The following FGF12 variants were observed in gnomAD, a reference collection of about 807,000 sequenced individuals.
FGF12 encodes the protein fibroblast growth factor 12B.
A neutral mutation model predicts 23.6 loss-of-function variants in FGF12; 14 were observed. That is an observed-to-expected ratio of 0.59 (90% CI 0.39 to 0.93). FGF12 has a LOEUF of 0.93. Among genes scored for constraint, FGF12 ranks in the 40% least tolerant of loss-of-function variants. The pLI is 0.00. For synonymous variants in FGF12, 62 were observed against 77.3 expected (o/e 0.80, Z 1.04); for missense variants, 175 against 217.8 (o/e 0.80, Z 1.24).
chr3:192,442,704 T>C (rs1331061204), intron 2 of FGF12, among the ~76,000 whole-genome samples: 2 of 152,226 alleles, frequency 1.3e-5, no homozygotes, highest in African/African-American at 4.8e-5. Flanking sequence ...AATTCTTTTA[T>C]TCAGATGGTA....
chr3:192,391,140 C>T lies in FGF12; in HGVS notation c.14-30602G>A, dbSNP rs568665545. ...TGAGCCGAAGGAGGACAAAAAGATG[C>T]ACCGCTTGGGGATTAGCAAAATGTA... On this transcript the variant is annotated intron_variant, in intron 2 of 5. Transcript: ENST00000445105. Among the ~76,000 whole-genome samples, 7 of 152,276 alleles carry T rather than the reference C, an allele frequency of 4.6e-5. No homozygotes were observed. The South Asian group carries it at 1.2e-3, about 27-fold the overall frequency.
intron 2 of FGF12, among the ~76,000 whole-genome samples, chr3:192,646,863 A>C (rs1577097085): frequency 6.6e-6 from 1 of 152,110 alleles, no homozygotes; most frequent in Admixed American, 6.6e-5. Flanking sequence ...ACTTTACGGT[A>C]TGTAAATTAT....
chr3:192,394,521 C>T (rs775315161), intron 2 of FGF12, among the ~76,000 whole-genome samples: 1 of 152,190 alleles, frequency 6.6e-6, no homozygotes, highest in Admixed American at 6.5e-5. Flanking sequence ...TGAGTATTAG[C>T]ACCATAAATA....
At chr3:192,438,281 C>T (rs1722089798) in intron 2 of FGF12, among the ~76,000 whole-genome samples, 2 of 152,212 alleles carry the variant, frequency 1.3e-5, no homozygotes, top group Non-Finnish European at 2.9e-5. Context: ...GCTCATGACC[C>T]TCTACTCTTA....
intron 2 of FGF12, among the ~76,000 whole-genome samples, chr3:192,446,045 A>G (rs1323445135): frequency 6.6e-6 from 1 of 152,250 alleles, no homozygotes; most frequent in African/African-American, 2.4e-5. Flanking sequence ...CAAAAGAGGC[A>G]TTCTTTGTGA....
chr3:192,513,577 C>A (rs1724559693), intron 2 of FGF12, among the ~76,000 whole-genome samples: 1 of 152,088 alleles, frequency 6.6e-6, no homozygotes, highest in Non-Finnish European at 1.5e-5. Context: ...TTTCATAGCT[C>A]AAGAACAGAG....
chr3:192,240,948 G>GA (rs1341808678), intron 4 of FGF12, among the ~76,000 whole-genome samples: 1 of 148,546 alleles, frequency 6.7e-6, no homozygotes, highest in African/African-American at 2.5e-5. Context: ...TACGAGGAGG[G>GA]AAAAAATAAA....
At chr3:192,653,308 T>G (rs1170547981) in intron 2 of FGF12, among the ~76,000 whole-genome samples, 1 of 152,168 alleles carries the variant, frequency 6.6e-6, no homozygotes, top group Non-Finnish European at 1.5e-5. Flanking sequence ...TTTTGAGGCA[T>G]TCAGTCCATT....
At position 192,590,427 on chromosome 3, in the gene FGF12, C is replaced by T. The variant is rs191865031; in HGVS notation, c.13+136754G>A. Among the ~76,000 whole-genome samples the T allele has an allele frequency of 6.5e-3, 991 of 151,936 alleles. 18 individuals carry two copies. Among genetic ancestry groups the T allele is most frequent in the Admixed American group, 0.013 (199 of 15,256 alleles). ...TCATTTATCCCTATTTTTTTGTGAA[C>T]ATATCAGTAGAACTGCAGATAATCA... is the stretch of plus-strand genomic sequence containing the variant. On this transcript the variant is annotated intron_variant, in intron 2 of 5. Transcript: ENST00000445105.
At chr3:192,170,681 C>T in intron 4 of FGF12, 25 bp from the exon 5 acceptor site, 4 of 1,527,014 alleles carry the variant, frequency 2.6e-6, no homozygotes, top group Non-Finnish European at 3.6e-6. Flanking sequence ...AAAAAAGACA[C>T]AAAAAAGAGA....
At chr3:192,383,717 A>C (rs1719925554) in intron 2 of FGF12, among the ~76,000 whole-genome samples, 1 of 152,206 alleles carries the variant, frequency 6.6e-6, no homozygotes. Context: ...AAGTGGGTAC[A>C]TGCTTGTTTA....
chr3:192,631,995 G>A (rs1461819357), intron 2 of FGF12, among the ~76,000 whole-genome samples: 4 of 152,154 alleles, frequency 2.6e-5, no homozygotes, highest in Admixed American at 2.0e-4. Context: ...CAGCTTCCAT[G>A]TTACAAAAGA....
At chr3:192,670,405 A>C (rs1274806210) in intron 2 of FGF12, among the ~76,000 whole-genome samples, 1 of 152,204 alleles carries the variant, frequency 6.6e-6, no homozygotes, top group Non-Finnish European at 1.5e-5. Flanking sequence ...AAAGCACATT[A>C]AAATCTTCAA....
chr3:192,467,826 A>T (rs1440079032), intron 2 of FGF12, among the ~76,000 whole-genome samples: 1 of 152,220 alleles, frequency 6.6e-6, no homozygotes, highest in African/African-American at 2.4e-5. Context: ...CCTACACTTA[A>T]CATGTAGCAA....
In FGF12 at chr3:192,657,924, T is replaced by G. The variant is rs181987106; in HGVS notation, c.13+69257A>C. On this transcript the variant is annotated intron_variant, in intron 2 of 5. Coordinates refer to ENST00000445105, the MANE Select transcript of FGF12 (RefSeq NM_004113.6). ...CAAGATAATATGAAGTTTTAAAGGC[T>G]TTTTTACTCTGGGCTAAACTATATT... Among the ~76,000 whole-genome samples, 249 of 152,286 alleles carry G rather than the reference T, an allele frequency of 1.6e-3. 1 individual carries two copies. The highest frequency in any genetic ancestry group is 2.0e-3 in the Non-Finnish European group (136 of 68,030).
intron 4 of FGF12, among the ~76,000 whole-genome samples, chr3:192,307,575 C>A (rs1000615704): frequency 2.6e-5 from 4 of 152,136 alleles, no homozygotes; most frequent in Admixed American, 2.6e-4. Context: ...ATTCTACAGG[C>A]AGAATTTTTT....
At chr3:192,451,117 C>T (rs890956799) in intron 2 of FGF12, among the ~76,000 whole-genome samples, 1 of 152,182 alleles carries the variant, frequency 6.6e-6, no homozygotes, top group African/African-American at 2.4e-5. Flanking sequence ...CTGTAAGTTA[C>T]TCTGGGACAA....
chr3:192,390,041 T>A (rs1349256440), intron 2 of FGF12, among the ~76,000 whole-genome samples: 1 of 152,232 alleles, frequency 6.6e-6, no homozygotes, highest in African/African-American at 2.4e-5. Flanking sequence ...AACATTCAAA[T>A]GTCCATGGGT....
chr3:192,495,292 ATATG>A (rs1339438710), intron 2 of FGF12, among the ~76,000 whole-genome samples: 1 of 152,228 alleles, frequency 6.6e-6, no homozygotes, highest in South Asian at 2.1e-4. Context: ...ATGCTTATAT[ATATG>A]TATGTGAATA....
Sources: allele counts gnomAD v4.1 joint callset (sites outside exome capture counted in the v4.1 genomes callset), GRCh38; gene constraint gnomAD v4.1.1; transcripts MANE v1.5; gene names NCBI Gene and HGNC (gene_info 2026-07-23, HGNC 2026-07-21).